The following PARP14 variants were observed in gnomAD, a reference collection of about 807,000 sequenced individuals.
PARP14 encodes the protein protein mono-ADP-ribosyltransferase PARP14.
In PARP14, 59 loss-of-function variants were observed where a neutral mutation model predicts 154.2. The observed-to-expected ratio is 0.38, with a 90% CI of 0.31 to 0.48. The LOEUF (loss-of-function observed/expected upper bound fraction) is 0.48. PARP14 is among the 20% of genes least tolerant of loss of function. The pLI, the probability that PARP14 is intolerant of heterozygous loss-of-function variation, is 0.98. For synonymous variants in PARP14, 720 were observed against 780.5 expected (o/e 0.92, Z 1.29); for missense variants, 1,734 against 2,131.6 (o/e 0.81, Z 3.67).
chr3:122,689,727 TCTC>T (rs1576581742), intron 3 of PARP14, among the ~76,000 whole-genome samples: 1 of 152,232 alleles, frequency 6.6e-6, no homozygotes. Context: ...CTGCCACCCT[TCTC>T]CTTAAACCTG....
chr3:122,695,436 A>T lies in PARP14; in HGVS notation c.609A>T (p.Arg203Ser). ...VTFQKHIDTI[R>S]FVDDCTKHHS... The stretch of plus-strand genomic sequence containing the variant: ...TTTTTTGGTTTGTAGATACTATAAG[A>T]TTTGTTGATGATTGTACCAAGCACC... Residue 203 changes from arginine to serine, a missense_variant, in exon 5 of 17, where the codon AGA becomes AGT. Around this residue, in one of 2 missense-constraint regions of PARP14, gnomAD observed 1,646 missense variants for 1,976.0 expected, o/e 0.83. Coordinates refer to ENST00000474629, the MANE Select transcript of PARP14 (RefSeq NM_017554.3). 6.5e-7 allele frequency: 1 copy of T among 1,545,756 alleles called. No homozygotes were observed. Among genetic ancestry groups the T allele is most frequent in the Non-Finnish European group, 8.9e-7 (1 of 1,125,030 alleles).
intron 12 of PARP14, among the ~76,000 whole-genome samples, chr3:122,716,610 C>A (rs1933006404): frequency 6.6e-6 from 1 of 152,126 alleles, no homozygotes; most frequent in African/African-American, 2.4e-5. Flanking sequence ...CCAGCTGGTC[C>A]CTAGGTACTC....
intron 4 of PARP14, among the ~76,000 whole-genome samples, chr3:122,694,098 TG>T (rs1938682338): frequency 6.6e-6 from 1 of 152,160 alleles, no homozygotes; most frequent in Non-Finnish European, 1.5e-5. Context: ...ACTCATAGCC[TG>T]GGGTCAGGGA....
Position 122,699,093 on chromosome 3 carries a change from C to T in PARP14, c.836-297C>T, listed in dbSNP as rs532266731. 2.0e-5 allele frequency among the ~76,000 whole-genome samples: 3 copies of T among 152,288 alleles called. No individual in the cohort carries two copies. The South Asian group carries it at 6.2e-4, about 32-fold the overall frequency. ...TAATTATTCCATTCAATAAGGGATA[C>T]CTGTGCACTGCTAACACATATCAGT... On this transcript the variant is annotated intron_variant, in intron 5 of 16. Transcript: ENST00000474629.
In PARP14 at chr3:122,729,041, T is replaced by G. The variant is rs923844028; in HGVS notation, c.*444T>G. 2.5e-5 allele frequency: 4 copies of G among 160,198 alleles called. No homozygotes were observed. The highest frequency in any genetic ancestry group is 9.6e-5 in the African/African-American group (4 of 41,528). 9.9% of individuals were successfully genotyped at this position (160,198 alleles called of 1,614,324 possible). A position where few individuals can be genotyped will look rare whatever the true frequency, so the allele number is the denominator to read the frequency against. Reference sequence around the variant, plus strand: ...GTCTTCCCTGGGAGCAGGGATGGTATCTTAGTCAATTTTTTTCCCTTGAGA... The same window carrying G: ...GTCTTCCCTGGGAGCAGGGATGGTAGCTTAGTCAATTTTTTTCCCTTGAGA... On this transcript the variant is annotated 3_prime_UTR_variant, in exon 17 of 17. Transcript: ENST00000474629.
At chr3:122,693,912 T>G (rs556540731) in intron 4 of PARP14, among the ~76,000 whole-genome samples, 26 of 152,082 alleles carry the variant, frequency 1.7e-4, no homozygotes, top group African/African-American at 6.3e-4. Context: ...TGAGACGTAG[T>G]AATGACTGAA....
intron 6 of PARP14, among the ~76,000 whole-genome samples, chr3:122,703,065 C>T (rs1939037377): frequency 6.6e-6 from 1 of 151,610 alleles, no homozygotes; most frequent in Admixed American, 6.6e-5. Context: ...CCTTTCACTC[C>T]CATAGATGCT....
intron 9 of PARP14, 56 bp downstream of exon 9, chr3:122,708,324 T>G: frequency 1.1e-6 from 1 of 899,050 alleles, no homozygotes. Flanking sequence ...TAACTGTTCA[T>G]TGGCAGGTAA....
chr3:122,685,510 CTT>C (rs10711299), intron 2 of PARP14, among the ~76,000 whole-genome samples, 192 bp downstream of exon 2: 357 of 137,218 alleles, frequency 2.6e-3, no homozygotes, highest in African/African-American at 5.2e-3. Flanking sequence ...GGAGGGGGTA[CTT>C]TTTTTTTTTT....
chr3:122,713,212 C>T (rs951876573), intron 9 of PARP14, among the ~76,000 whole-genome samples: 8 of 152,130 alleles, frequency 5.3e-5, no homozygotes, highest in Non-Finnish European at 8.8e-5. Flanking sequence ...TGGTCAGCAC[C>T]AGAGTTCATG....
At chr3:122,717,393 A>T (rs1422131871) in intron 12 of PARP14, among the ~76,000 whole-genome samples, 1 of 152,250 alleles carries the variant, frequency 6.6e-6, no homozygotes, top group African/African-American at 2.4e-5. Context: ...GATATGGAGT[A>T]TGCTGAAAAC....
rs768593985 is a variant in PARP14 at position 122,701,217 on chromosome 3, A to G, written c.2663A>G (p.Tyr888Cys). Residue 888 changes from tyrosine to cysteine, a missense_variant, in exon 6 of 17, where the codon TAT (tyrosine) becomes TGT (cysteine). Physicochemically the swap from Tyr to Cys is radical, Grantham distance 194 (BLOSUM62 -2). Coordinates refer to ENST00000474629, the MANE Select transcript of PARP14 (RefSeq NM_017554.3). The surrounding 1 kb of genome is among the most constrained non-coding windows in gnomAD (Gnocchi z 4.0). ...IHAVGPRWSG[Y>C]EAPRCVYLLR... ...GCAGTGGGGCCCCGCTGGAGCGGAT[A>G]TGAGGCCCCGAGGTGTGTGTACCTA... 91 of 1,613,426 alleles carry G rather than the reference A, an allele frequency of 5.6e-5. No homozygotes were observed. The highest frequency in any genetic ancestry group is 7.5e-5 in the Non-Finnish European group (89 of 1,179,662).
chr3:122,718,447 T>C lies in PARP14; in HGVS notation c.4296T>C (p.Cys1432=), dbSNP rs761557055. 2.5e-6 allele frequency: 4 copies of C among 1,613,928 alleles called. No individual in the cohort carries two copies. Among genetic ancestry groups the C allele is most frequent in the Non-Finnish European group, 3.4e-6 (4 of 1,179,848 alleles). The change falls in exon 14 of 17, where the codon TGT becomes TGC. Residue 1432 remains cysteine (C), a synonymous_variant. Transcript: ENST00000474629. ...CAGAATCAGCAACTTTTCGGGTGTGTGGTGAAAATGTCACGTGTGTGGAAT... is the reference window on the plus strand; with the variant it reads ...CAGAATCAGCAACTTTTCGGGTGTGCGGTGAAAATGTCACGTGTGTGGAAT... ...KKTESATFRV[C]GENVTCVEYA... is the part of the protein sequence containing the mutation.
chr3:122,727,202 T>C (rs1374006093), intron 15 of PARP14, among the ~76,000 whole-genome samples: 1 of 152,044 alleles, frequency 6.6e-6, no homozygotes, highest in Non-Finnish European at 1.5e-5. Context: ...CTAGGGGAGT[T>C]TAGAAGTAGA....
At chr3:122,705,057 T>C (rs1939109652) in intron 8 of PARP14, among the ~76,000 whole-genome samples, 1 of 152,218 alleles carries the variant, frequency 6.6e-6, no homozygotes, top group African/African-American at 2.4e-5. Flanking sequence ...ATGTTTCATC[T>C]CTATCTTCAT....
chr3:122,721,398 T>G (rs1284699597), intron 15 of PARP14: 2 of 154,478 alleles, frequency 1.3e-5, no homozygotes, highest in African/African-American at 2.4e-5. Context: ...ACCATCCTGG[T>G]GAAGATGGTG....
chr3:122,692,708 C>G (rs1938580427), intron 4 of PARP14, among the ~76,000 whole-genome samples, 165 bp downstream of exon 4: 1 of 152,122 alleles, frequency 6.6e-6, no homozygotes, highest in South Asian at 2.1e-4. Context: ...GAAGCATATT[C>G]ATATTGAAAC....
intron 7 of PARP14, 34 bp from the exon 8 acceptor site, chr3:122,704,493 C>T: frequency 7.5e-7 from 1 of 1,331,590 alleles, no homozygotes; most frequent in Non-Finnish European, 1.1e-6. Flanking sequence ...CATTTCTAGA[C>T]AAGATGTATA....
intron 6 of PARP14, among the ~76,000 whole-genome samples, chr3:122,702,391 A>AT (rs1006252115): frequency 8.6e-5 from 13 of 151,204 alleles, no homozygotes; most frequent in African/African-American, 1.5e-4. Context: ...TAATTTTTGT[A>AT]TTTTTTTTGG....
Sources: gnomAD v4.1 joint callset for allele counts (sites outside exome capture counted in the v4.1 genomes callset) on GRCh38, gnomAD v4.1.1 for gene constraint, gnomAD v4.1.1 regional missense constraint, Gnocchi (gnomAD v3.1) non-coding constraint, MANE v1.5 for transcripts, NCBI Gene and HGNC (gene_info 2026-07-23, HGNC 2026-07-21) for gene names.